ANKRD36C: variants seen among roughly 807,000 people sequenced by gnomAD.
ANKRD36C encodes ankyrin repeat domain 36C, also known as ankyrin repeat domain-containing protein 36C.
Under a neutral mutation model 276.4 loss-of-function variants are expected in ANKRD36C, and 61 were observed. The ratio of observed to expected loss-of-function variants is 0.22; its 90% CI spans 0.18 to 0.27. ANKRD36C has a LOEUF of 0.27. Among genes scored for constraint, ANKRD36C ranks in the 10% least tolerant of loss-of-function variants. The probability of loss-of-function intolerance (pLI) is 1.00; values close to 1 mark genes in which losing one functional copy is unlikely to be tolerated. For missense variants in ANKRD36C, 1,447 were observed against 2,032.3 expected, an observed-to-expected ratio of 0.71 and a Z score of 5.54; for synonymous variants, 483 against 680.1, an observed-to-expected ratio of 0.71 and a Z score of 4.51.
chr2:95,881,552 A>G (rs1248810781), intron 56 of ANKRD36C, among the ~76,000 whole-genome samples: 2 of 151,702 alleles, frequency 1.3e-5, no homozygotes, highest in African/African-American at 4.8e-5. Context: ...TTGGAAAAAA[A>G]CTAAATATTC....
At chr2:95,974,253 A>G (rs1678759644) in intron 6 of ANKRD36C, among the ~76,000 whole-genome samples, 1 of 152,232 alleles carries the variant, frequency 6.6e-6, no homozygotes, top group South Asian at 2.1e-4. Context: ...AATTTAAAAG[A>G]CATTTAAAGT....
intron 59 of ANKRD36C, among the ~76,000 whole-genome samples, chr2:95,871,128 A>G (rs1419690908): frequency 1.3e-5 from 2 of 152,234 alleles, no homozygotes; most frequent in Non-Finnish European, 2.9e-5. Context: ...CCAATCTAGC[A>G]AGGCAGGCCA....
intron 44 of ANKRD36C, 96 bp from the exon 65 acceptor site, chr2:95,891,956 C>A: frequency 2.0e-6 from 3 of 1,533,238 alleles, no homozygotes; most frequent in Non-Finnish European, 2.6e-6. Context: ...TGTCCTCCTG[C>A]CTGTATTAGC....
At chr2:95,914,071 C>G (rs766791198) in intron 40 of ANKRD36C, 37 bp downstream of exon 42, 19 of 1,521,932 alleles carry the variant, frequency 1.2e-5, no homozygotes, top group African/African-American at 8.3e-5. Context: ...TTATCTATCT[C>G]GACTGATCAT....
intron 1 of ANKRD36C, among the ~76,000 whole-genome samples, chr2:95,988,040 G>A (rs893266867): frequency 3.3e-5 from 5 of 150,902 alleles, no homozygotes; most frequent in Non-Finnish European, 5.9e-5. Context: ...ATAAAGTAAC[G>A]TGGCATCACC....
intron 34 of ANKRD36C, among the ~76,000 whole-genome samples, chr2:95,919,201 C>T (rs1677198938): frequency 7.5e-6 from 1 of 134,128 alleles, no homozygotes; most frequent in Non-Finnish European, 1.7e-5. Context: ...CTCAGATTTC[C>T]TCAGCAGAAA....
At chr2:95,964,907 G>T (rs1221338443) in intron 6 of ANKRD36C, among the ~76,000 whole-genome samples, 12 of 151,922 alleles carry the variant, frequency 7.9e-5, no homozygotes. Flanking sequence ...ATGCCTTCCA[G>T]AGAAATGGGT....
downstream of ANKRD36C, among the ~76,000 whole-genome samples, chr2:95,849,036 A>AT (rs1276818919): frequency 3.1e-4 from 47 of 151,864 alleles, 1 homozygote; most frequent in Admixed American, 2.9e-3. Flanking sequence ...TGTCTTTTAG[A>AT]TTTTTTTTGT....
chr2:95,933,277 G>T (rs1677619034), intron 24 of ANKRD36C, among the ~76,000 whole-genome samples: 2 of 67,976 alleles, frequency 2.9e-5, no homozygotes, highest in African/African-American at 8.2e-5. Context: ...GCCCTTTTTT[G>T]TTCCATATGA....
intron 42 of ANKRD36C, among the ~76,000 whole-genome samples, chr2:95,902,229 G>T (rs1676675241): frequency 6.7e-6 from 1 of 149,266 alleles, no homozygotes; most frequent in Non-Finnish European, 1.5e-5. Flanking sequence ...GTAACCAAGA[G>T]GAGTAATGAG....
At chr2:95,859,259 C>G (rs571297170) in intron 61 of ANKRD36C, among the ~76,000 whole-genome samples, 1 of 152,212 alleles carries the variant, frequency 6.6e-6, no homozygotes, top group East Asian at 1.9e-4. Flanking sequence ...GTCTCGAACT[C>G]CTGACCTCGT....
exon 63 of ANKRD36C, chr2:95,855,322 A>T (rs776635642): frequency 3.1e-6 from 5 of 1,609,662 alleles, no homozygotes; most frequent in African/African-American, 1.3e-5. Flanking sequence ...GAATGATTCA[A>T]TTCATTCACC....
At chr2:95,958,494 G>A in intron 12 of ANKRD36C, 97 bp downstream of exon 12, 1 of 1,443,778 alleles carries the variant, frequency 6.9e-7, no homozygotes, top group Non-Finnish European at 9.4e-7. Context: ...GAATCAGAAT[G>A]CGCAGCTTCA....
At chr2:95,958,070 A>G (rs1190217877) in intron 12 of ANKRD36C, among the ~76,000 whole-genome samples, 1 of 152,274 alleles carries the variant, frequency 6.6e-6, no homozygotes, top group African/African-American at 2.4e-5. Flanking sequence ...AGGTTTCCTC[A>G]GCAGAAACAC....
intron 44 of ANKRD36C, chr2:95,897,308 A>G (rs533618368): frequency 1.9e-6 from 3 of 1,538,876 alleles, no homozygotes; most frequent in Admixed American, 1.9e-5. Context: ...TCCTCTGGCT[A>G]TATTCAAAAG....
intron 58 of ANKRD36C, among the ~76,000 whole-genome samples, chr2:95,880,216 C>A (rs1382308417): frequency 6.6e-6 from 1 of 152,060 alleles, no homozygotes; most frequent in Non-Finnish European, 1.5e-5. Context: ...AAAAACAAAA[C>A]AAAACAAAAA....
intron 44 of ANKRD36C, among the ~76,000 whole-genome samples, chr2:95,897,744 G>C (rs1237119463): frequency 1.3e-5 from 2 of 148,452 alleles, no homozygotes; most frequent in Non-Finnish European, 3.0e-5. Flanking sequence ...TGGATATGCC[G>C]AGTGATGAGG....
At chr2:95,984,813 T>G (rs1678996472) in intron 3 of ANKRD36C, among the ~76,000 whole-genome samples, 1 of 152,142 alleles carries the variant, frequency 6.6e-6, no homozygotes, top group Non-Finnish European at 1.5e-5. Flanking sequence ...TTATTTTAGG[T>G]AAAATATAAA....
chr2:95,854,194 T>C (rs1675357695), intron 63 of ANKRD36C, among the ~76,000 whole-genome samples: 2 of 151,850 alleles, frequency 1.3e-5, no homozygotes, highest in Admixed American at 1.3e-4. Context: ...AATTATACAT[T>C]GTGGAATGAT....
Sources: gnomAD v4.1 joint callset for allele counts (sites outside exome capture counted in the v4.1 genomes callset) on GRCh38, gnomAD v4.1.1 for gene constraint, MANE v1.5 for transcripts, NCBI Gene and HGNC (gene_info 2026-07-23, HGNC 2026-07-21) for gene names.